RAP1B: variants seen among roughly 807,000 people sequenced by gnomAD.
The protein encoded by RAP1B is RAP1B, member of RAS oncogene family.
A neutral mutation model predicts 27.5 loss-of-function variants in RAP1B; 1 was observed. The observed-to-expected ratio is 0.04, with a 90% CI of 0.01 to 0.17. RAP1B has a LOEUF of 0.17. Among genes scored for constraint, RAP1B ranks in the 10% least tolerant of loss-of-function variants. The probability of loss-of-function intolerance (pLI) is 1.00; values close to 1 mark genes in which losing one functional copy is unlikely to be tolerated. For missense variants in RAP1B, 84 were observed against 214.8 expected (o/e 0.39, Z 3.81); for synonymous variants, 75 against 73.1 (o/e 1.03, Z -0.13).
intron 1 of RAP1B, among the ~76,000 whole-genome samples, chr12:68,620,670 G>T (rs538496039): frequency 2.0e-5 from 3 of 149,468 alleles, no homozygotes; most frequent in African/African-American, 7.4e-5. Flanking sequence ...TCACAACCAC[G>T]ACTCACTGAA....
At chr12:68,657,752 ACACACACACACACACACACACGTGCGCG>A (rs1874312262) in intron 7 of RAP1B, 1 of 153,740 alleles carries the variant, frequency 6.5e-6, no homozygotes, top group Non-Finnish European at 1.4e-5. Context: ...ACACACACAC[ACACACACACACACACACACACGTGCGCG>A]CGTGCGCGTG....
At chr12:68,633,381 G>C (rs1872403235) in intron 1 of RAP1B, among the ~76,000 whole-genome samples, 1 of 152,256 alleles carries the variant, frequency 6.6e-6, no homozygotes, top group Admixed American at 6.5e-5. Flanking sequence ...GTTCTTTATA[G>C]ATAGACAATT....
At chr12:68,620,005 C>T (rs1397598367) in intron 1 of RAP1B, among the ~76,000 whole-genome samples, 1 of 152,044 alleles carries the variant, frequency 6.6e-6, no homozygotes, top group African/African-American at 2.4e-5. Flanking sequence ...AGTTGACTTT[C>T]TCAGTTTTAA....
chr12:68,613,594 C>A (rs1243047120), intron 1 of RAP1B, among the ~76,000 whole-genome samples: 2 of 152,080 alleles, frequency 1.3e-5, no homozygotes, highest in Non-Finnish European at 2.9e-5. Context: ...TATGCCTTAA[C>A]GCACTGGCAT....
At position 68,610,902 on chromosome 12, in the gene RAP1B, A is replaced by G. The variant is rs1471638274; in HGVS notation, c.-168A>G. 1.7e-5 allele frequency: 5 copies of G among 294,706 alleles called. No individual in the cohort carries two copies. Among genetic ancestry groups the G allele is most frequent in the Non-Finnish European group, 3.2e-5 (5 of 158,682 alleles). The allele number at this position is 294,706 out of a possible 1,614,324, so 18.3% of individuals were successfully genotyped here. On this transcript the variant is annotated 5_prime_UTR_variant, in exon 1 of 8. Coordinates refer to ENST00000250559, the MANE Select transcript of RAP1B (RefSeq NM_001010942.3). The stretch of plus-strand genomic sequence containing the variant: ...GCTGAACGCCTGACGTCAAGGCGAC[A>G]TCGCCAAACCTCGCCCAGATTCAGG...
At chr12:68,621,779 T>C (rs916113919) in intron 1 of RAP1B, among the ~76,000 whole-genome samples, 13 of 152,222 alleles carry the variant, frequency 8.5e-5, no homozygotes, top group African/African-American at 3.1e-4. Flanking sequence ...AGGTCCTATG[T>C]AGAGGATAAA....
intron 1 of RAP1B, among the ~76,000 whole-genome samples, chr12:68,646,644 T>A (rs906205166): frequency 2.0e-5 from 3 of 152,204 alleles, no homozygotes; most frequent in Admixed American, 2.0e-4. Flanking sequence ...CCTGTGACTA[T>A]ATGTAGTCAG....
intron 1 of RAP1B, among the ~76,000 whole-genome samples, chr12:68,639,243 C>G (rs1429252981): frequency 6.6e-6 from 1 of 152,202 alleles, no homozygotes; most frequent in African/African-American, 2.4e-5. Flanking sequence ...CTGCTTCAAG[C>G]GTTTACATGG....
intron 1 of RAP1B, among the ~76,000 whole-genome samples, chr12:68,611,893 C>G (rs954144446): frequency 1.3e-5 from 2 of 152,172 alleles, no homozygotes; most frequent in African/African-American, 4.8e-5. Context: ...CCCAGTGAAC[C>G]GGGCTCTCCG....
intron 1 of RAP1B, among the ~76,000 whole-genome samples, chr12:68,623,399 A>G (rs1393983676): frequency 6.6e-6 from 1 of 152,228 alleles, no homozygotes; most frequent in Non-Finnish European, 1.5e-5. Context: ...AATTGAAGTA[A>G]ATTCAAGAGT....
rs933284768 is a variant in RAP1B, at chr12:68,666,275, C to A, written c.*7026C>A. 2.6e-5 allele frequency: 4 copies of A among 152,130 alleles called. No individual in the cohort carries two copies. Among genetic ancestry groups the A allele is most frequent in the African/African-American group, 4.8e-5 (2 of 41,416 alleles). 9.4% of individuals were successfully genotyped at this position (152,130 alleles called of 1,614,324 possible). A position where few individuals can be genotyped will look rare whatever the true frequency, so the allele number is the denominator to read the frequency against. On this transcript the variant is annotated 3_prime_UTR_variant, in exon 8 of 8. Coordinates refer to ENST00000250559, the MANE Select transcript of RAP1B (RefSeq NM_001010942.3). ...TACCCAAAATATTAGGGAGAAAATT[C>A]TTCTTTTTAATTGGATTCTCGTATG...
In RAP1B at chr12:68,664,193, ATTCAC is replaced by A. The variant is rs1874749461; in HGVS notation, c.*4949_*4953del. On this transcript the variant is annotated 3_prime_UTR_variant, in exon 8 of 8. Coordinates refer to ENST00000250559, the MANE Select transcript of RAP1B (RefSeq NM_001010942.3). ...TTACAGGATTTTTATGTAATAATAT[ATTCAC>A]TTCAGTCAGGTTTCAGTTTTTAAAT... is the stretch of plus-strand genomic sequence containing the variant. The A allele has an allele frequency of 6.6e-6, 1 of 152,204 alleles. No homozygotes were observed. The allele number at this position is 152,204 out of a possible 1,614,324, so 9.4% of individuals were successfully genotyped here. A position where few individuals can be genotyped will look rare whatever the true frequency, so the allele number is the denominator to read the frequency against.
At chr12:68,632,618 T>C (rs1667370922) in intron 1 of RAP1B, among the ~76,000 whole-genome samples, 1 of 152,106 alleles carries the variant, frequency 6.6e-6, no homozygotes, top group South Asian at 2.1e-4. Context: ...AGAGGGACTC[T>C]TCAGTAGGTT....
intron 6 of RAP1B, among the ~76,000 whole-genome samples, chr12:68,656,790 A>G (rs1874238291): frequency 1.3e-5 from 2 of 152,198 alleles, no homozygotes; most frequent in South Asian, 4.1e-4. Context: ...AAAGGCTCCA[A>G]GTCATGTTGT....
chr12:68,611,693 C>T (rs532829887), intron 1 of RAP1B, among the ~76,000 whole-genome samples: 5 of 152,174 alleles, frequency 3.3e-5, no homozygotes, highest in African/African-American at 1.2e-4. Context: ...GGAGAGAGCC[C>T]CACTTAGTCT....
At chr12:68,643,573 TTTAA>T (rs1433945985) in intron 1 of RAP1B, among the ~76,000 whole-genome samples, 9 of 152,190 alleles carry the variant, frequency 5.9e-5, no homozygotes, top group East Asian at 1.9e-4. Flanking sequence ...AGAATTAAAC[TTTAA>T]TTGATTCTTT....
chr12:68,623,927 G>A (rs1455637697), intron 1 of RAP1B, among the ~76,000 whole-genome samples: 20 of 151,922 alleles, frequency 1.3e-4, no homozygotes, highest in Admixed American at 9.8e-4. Flanking sequence ...AGGCTGAGGC[G>A]GGAGAATCGC....
At chr12:68,657,725 A>AACACAC (rs61700927) in intron 7 of RAP1B, 4,822 of 125,984 alleles carry the variant, frequency 0.038, 98 homozygotes, top group Admixed American at 0.044. Context: ...CCTAATTTAA[A>AACACAC]ACACACACAC....
chr12:68,644,306 G>A (rs1003012564), intron 1 of RAP1B, among the ~76,000 whole-genome samples: 2 of 152,142 alleles, frequency 1.3e-5, no homozygotes, highest in African/African-American at 2.4e-5. Flanking sequence ...GAGTGGAACA[G>A]TGGGCCGGGC....
Sources: gnomAD v4.1 joint callset for allele counts (sites outside exome capture counted in the v4.1 genomes callset) on GRCh38, gnomAD v4.1.1 for gene constraint, MANE v1.5 for transcripts, NCBI Gene and HGNC (gene_info 2026-07-23, HGNC 2026-07-21) for gene names.